Variants in PLCB4 observed in about 807,000 individuals in gnomAD.
PLCB4 encodes the protein phospholipase C beta 4, also known as 1-phosphatidylinositol 4,5-bisphosphate phosphodiesterase beta-4.
In PLCB4, 77 loss-of-function variants were observed where a neutral mutation model predicts 178.8. The observed-to-expected ratio is 0.43, with a 90% CI of 0.36 to 0.52. PLCB4 has a LOEUF of 0.52. PLCB4 is among the 20% of genes least tolerant of loss of function. The pLI, the probability that PLCB4 is intolerant of heterozygous loss-of-function variation, is 0.00. For synonymous variants in PLCB4, 496 were observed against 490.8 expected (o/e 1.01, Z -0.14); for missense variants, 1,024 against 1,453.4 (o/e 0.70, Z 4.80).
chr20:9,281,188 A>G (rs954112355), intron 3 of PLCB4, among the ~76,000 whole-genome samples: 1 of 151,958 alleles, frequency 6.6e-6, no homozygotes. Flanking sequence ...TATCTTTGTG[A>G]CTTTGGAAAG....
Position 9,480,472 on chromosome 20 carries a change from G to A in PLCB4, c.*1463G>A, listed in dbSNP as rs1011109485. The A allele has an allele frequency of 2.0e-5, 3 of 152,496 alleles. No homozygotes were observed. The highest frequency in any genetic ancestry group is 4.4e-5 in the Non-Finnish European group (3 of 68,028). 9.4% of individuals were successfully genotyped at this position (152,496 alleles called of 1,614,324 possible). ...CTTCTCTAATAAAAAATTAAAACAC[G>A]CATAACACTCGTCAAGAGTATTTGC... On this transcript the variant is annotated 3_prime_UTR_variant, in exon 40 of 40. Coordinates refer to ENST00000378473, the MANE Select transcript of PLCB4 (RefSeq NM_001377142.1).
intron 2 of PLCB4, among the ~76,000 whole-genome samples, chr20:9,194,641 G>GGA (rs1474608696): frequency 6.7e-6 from 1 of 148,662 alleles, no homozygotes; most frequent in Non-Finnish European, 1.5e-5. Flanking sequence ...TGCAGTGAGT[G>GGA]GAGATTGCGC....
At chr20:9,379,545 T>C (rs2148343242) in intron 12 of PLCB4, among the ~76,000 whole-genome samples, 1 of 152,282 alleles carries the variant, frequency 6.6e-6, no homozygotes, top group East Asian at 1.9e-4. Flanking sequence ...CATGGATTGA[T>C]GTAGAAAGGT....
At chr20:9,202,886 GTGTTC>G (rs1237646556) in intron 2 of PLCB4, among the ~76,000 whole-genome samples, 4 of 151,926 alleles carry the variant, frequency 2.6e-5, no homozygotes, top group Non-Finnish European at 5.9e-5. Context: ...ATCAGCAGCT[GTGTTC>G]TGGGTCATGA....
At chr20:9,313,724 T>C (rs1050340374) in intron 4 of PLCB4, among the ~76,000 whole-genome samples, 1 of 152,214 alleles carries the variant, frequency 6.6e-6, no homozygotes, top group Non-Finnish European at 1.5e-5. Flanking sequence ...TATTATGCAC[T>C]GCAGTAAGTA....
chr20:9,121,728 G>C (rs1336525729), intron 2 of PLCB4, among the ~76,000 whole-genome samples: 1 of 152,048 alleles, frequency 6.6e-6, no homozygotes. Context: ...TCAAAACTCA[G>C]CTCTGACAAA....
At chr20:9,283,733 T>C (rs2094514176) in intron 3 of PLCB4, among the ~76,000 whole-genome samples, 1 of 151,962 alleles carries the variant, frequency 6.6e-6, no homozygotes. Context: ...TTATCCACTA[T>C]TGAATTCTGT....
In PLCB4 at chr20:9,408,084, G is replaced by A. The variant is rs148930522; in HGVS notation, c.1789+26G>A. The A allele has an allele frequency of 2.4e-4, 378 of 1,576,588 alleles. 2 individuals carry two copies. In the African/African-American group the frequency reaches 4.2e-3, roughly 18 times the overall value. ...GTAACACCAAAGGTTAAATGCAGTC[G>A]CCTTTTTTGCTTGATTTTCTTTTAT... On this transcript the variant is annotated intron_variant, in intron 22 of 39. Transcript: ENST00000378473.
intron 2 of PLCB4, among the ~76,000 whole-genome samples, chr20:9,194,895 A>C (rs2147157501): frequency 6.6e-6 from 1 of 152,192 alleles, no homozygotes; most frequent in East Asian, 1.9e-4. Context: ...CATTGTCCTA[A>C]TGCTTCTTTG....
chr20:9,156,437 A>C (rs1301064920), intron 2 of PLCB4, among the ~76,000 whole-genome samples: 1 of 152,152 alleles, frequency 6.6e-6, no homozygotes, highest in Non-Finnish European at 1.5e-5. Flanking sequence ...GTAACATGCC[A>C]GTGTTGCACA....
chr20:9,130,862 T>C (rs1014435757), intron 2 of PLCB4, among the ~76,000 whole-genome samples: 1 of 152,216 alleles, frequency 6.6e-6, no homozygotes, highest in African/African-American at 2.4e-5. Context: ...TCATATTCAT[T>C]ATGTCCATCA....
chr20:9,174,084 T>C (rs1307041925), intron 2 of PLCB4, among the ~76,000 whole-genome samples: 1 of 152,158 alleles, frequency 6.6e-6, no homozygotes, highest in East Asian at 1.9e-4. Flanking sequence ...AAAACAACTC[T>C]CCTTTATTTC....
At chr20:9,384,090 G>A (rs1471475325) in intron 13 of PLCB4, 111 bp from the exon 14 acceptor site, 1 of 764,196 alleles carries the variant, frequency 1.3e-6, no homozygotes, top group Non-Finnish European at 2.3e-6. Flanking sequence ...GAAAGAGACT[G>A]TGAAGACGTT....
chr20:9,284,573 G>A (rs967991841), intron 3 of PLCB4, among the ~76,000 whole-genome samples: 1 of 152,012 alleles, frequency 6.6e-6, no homozygotes, highest in African/African-American at 2.4e-5. Context: ...AGAGGGAAAT[G>A]TATGATCTTT....
chr20:9,323,276 A>T (rs1165338226), intron 4 of PLCB4, among the ~76,000 whole-genome samples: 1 of 152,120 alleles, frequency 6.6e-6, no homozygotes, highest in Admixed American at 6.5e-5. Context: ...AAAATATCAC[A>T]TTCTCCAAGA....
At chr20:9,390,149 A>G (rs1451313579) in intron 16 of PLCB4, among the ~76,000 whole-genome samples, 191 bp downstream of exon 16, 1 of 152,064 alleles carries the variant, frequency 6.6e-6, no homozygotes, top group South Asian at 2.1e-4. Context: ...AAAAACGACA[A>G]AAAACCACCC....
At chr20:9,209,928 A>T (rs2093655039) in intron 2 of PLCB4, among the ~76,000 whole-genome samples, 1 of 148,020 alleles carries the variant, frequency 6.8e-6, no homozygotes, top group African/African-American at 2.5e-5. Flanking sequence ...CGAGCCACTG[A>T]ACTCCAGCCT....
intron 2 of PLCB4, among the ~76,000 whole-genome samples, chr20:9,170,235 T>A (rs920958607): frequency 7.2e-5 from 11 of 152,244 alleles, no homozygotes; most frequent in African/African-American, 2.4e-4. Flanking sequence ...TGATCAGTTT[T>A]ATTTCATGCA....
chr20:9,080,705 C>G (rs184742676), intron 1 of PLCB4, among the ~76,000 whole-genome samples: 1 of 152,266 alleles, frequency 6.6e-6, no homozygotes, highest in African/African-American at 2.4e-5. Flanking sequence ...ATAACTCATT[C>G]ACTTCTACCA....
Sources: allele counts gnomAD v4.1 joint callset (sites outside exome capture counted in the v4.1 genomes callset), GRCh38; gene constraint gnomAD v4.1.1; transcripts MANE v1.5; gene names NCBI Gene and HGNC (gene_info 2026-07-23, HGNC 2026-07-21).